MGAT4C: variants seen among roughly 807,000 people sequenced by gnomAD.
The protein encoded by MGAT4C is MGAT4 family member C.
A neutral mutation model predicts 40.1 loss-of-function variants in MGAT4C; 19 were observed. That is an observed-to-expected ratio of 0.47 (90% CI 0.33 to 0.70). The LOEUF is 0.70. Among genes scored for constraint, MGAT4C ranks in the 30% least tolerant of loss-of-function variants. MGAT4C has a pLI of 0.02. For missense variants in MGAT4C, 491 were observed against 563.2 expected, an observed-to-expected ratio of 0.87 and a Z score of 1.30; for synonymous variants, 181 against 187.1, an observed-to-expected ratio of 0.97 and a Z score of 0.27.
chr12:86,043,760 A>C (rs974502110), intron 2 of MGAT4C, among the ~76,000 whole-genome samples: 12 of 152,208 alleles, frequency 7.9e-5, no homozygotes, highest in Non-Finnish European at 1.6e-4. Context: ...GATGTCAATG[A>C]GTCAATAAAT....
intron 1 of MGAT4C, among the ~76,000 whole-genome samples, chr12:86,813,417 A>G (rs191270387): frequency 1.4e-5 from 2 of 143,612 alleles, no homozygotes; most frequent in East Asian, 3.9e-4. Context: ...TACTCTAAAG[A>G]AATAATCTAA....
At chr12:86,554,946 AT>A (rs1224843184) in intron 2 of MGAT4C, among the ~76,000 whole-genome samples, 1 of 152,062 alleles carries the variant, frequency 6.6e-6, no homozygotes, top group Non-Finnish European at 1.5e-5. Flanking sequence ...GGTAACCCGA[AT>A]TCCTTAGCTT....
At chr12:86,043,835 C>A (rs745419672) in intron 2 of MGAT4C, among the ~76,000 whole-genome samples, 2 of 152,152 alleles carry the variant, frequency 1.3e-5, no homozygotes, top group Non-Finnish European at 2.9e-5. Context: ...TCTCCTGAAT[C>A]TTCTTTCCTG....
intron 2 of MGAT4C, among the ~76,000 whole-genome samples, chr12:86,506,105 G>A (rs531019492): frequency 5.3e-5 from 8 of 152,224 alleles, no homozygotes; most frequent in Admixed American, 2.6e-4. Flanking sequence ...TGAAAGGTTA[G>A]GAGTTTTGTC....
At chr12:86,427,969 G>C (rs1284208073) in intron 3 of MGAT4C, among the ~76,000 whole-genome samples, 1 of 151,964 alleles carries the variant, frequency 6.6e-6, no homozygotes, top group East Asian at 1.9e-4. Flanking sequence ...GCTGTGAGCT[G>C]AGATCGTGTC....
intron 1 of MGAT4C, among the ~76,000 whole-genome samples, chr12:86,809,792 A>G (rs1200342617): frequency 1.3e-5 from 2 of 151,970 alleles, no homozygotes; most frequent in African/African-American, 4.8e-5. Context: ...AGTTTGGCAA[A>G]TATTTTTGCT....
chr12:86,568,257 T>C (rs997465439), intron 2 of MGAT4C, among the ~76,000 whole-genome samples: 5 of 152,046 alleles, frequency 3.3e-5, no homozygotes, highest in Admixed American at 2.0e-4. Context: ...ATAAAGCAGG[T>C]AGAGGAAGGT....
intron 1 of MGAT4C, among the ~76,000 whole-genome samples, chr12:86,729,377 T>C (rs1950874134): frequency 6.6e-6 from 1 of 151,926 alleles, no homozygotes; most frequent in African/African-American, 2.4e-5. Context: ...AAATAAAAAT[T>C]TTTAAAAAAA....
chr12:86,689,684 A>G (rs909098405), intron 2 of MGAT4C, among the ~76,000 whole-genome samples: 2 of 152,064 alleles, frequency 1.3e-5, no homozygotes, highest in Admixed American at 6.5e-5. Context: ...CTTCCTCTGA[A>G]AGCTTTGTCC....
At chr12:86,273,994 G>A (rs1218621579) in intron 4 of MGAT4C, among the ~76,000 whole-genome samples, 1 of 152,168 alleles carries the variant, frequency 6.6e-6, no homozygotes, top group East Asian at 1.9e-4. Flanking sequence ...GGTACAAAGA[G>A]CGTAATGCTG....
chr12:86,467,633 A>C (rs1343417236), intron 2 of MGAT4C, among the ~76,000 whole-genome samples: 1 of 152,142 alleles, frequency 6.6e-6, no homozygotes, highest in African/African-American at 2.4e-5. Context: ...TGCAAAAATA[A>C]ATGCAGATTT....
chr12:86,133,181 A>G (rs1377767726), intron 1 of MGAT4C, among the ~76,000 whole-genome samples: 1 of 152,254 alleles, frequency 6.6e-6, no homozygotes, highest in Non-Finnish European at 1.5e-5. Context: ...AAATAAGCAG[A>G]TAAAATGTAC....
intron 1 of MGAT4C, among the ~76,000 whole-genome samples, chr12:86,179,950 A>G (rs1053630102): frequency 9.9e-5 from 15 of 152,206 alleles, no homozygotes. Flanking sequence ...GCATGGGGAA[A>G]ATGTCTCCAG....
At chr12:86,529,873 T>C (rs1592955872) in intron 2 of MGAT4C, among the ~76,000 whole-genome samples, 1 of 152,128 alleles carries the variant, frequency 6.6e-6, no homozygotes, top group East Asian at 1.9e-4. Context: ...AAGTCTCATA[T>C]AAAATGGCAT....
At chr12:86,523,376 C>T (rs1018858367) in intron 2 of MGAT4C, among the ~76,000 whole-genome samples, 44 of 152,118 alleles carry the variant, frequency 2.9e-4, no homozygotes, top group African/African-American at 8.4e-4. Context: ...GCAGGTTATT[C>T]AATTTCCATG....
chr12:86,401,759 T>C (rs968229475), intron 3 of MGAT4C, among the ~76,000 whole-genome samples: 3 of 152,150 alleles, frequency 2.0e-5, no homozygotes, highest in Admixed American at 6.5e-5. Flanking sequence ...GATAAAATAT[T>C]ATTGCACTTA....
intron 2 of MGAT4C, among the ~76,000 whole-genome samples, chr12:86,698,719 C>T (rs1950303477): frequency 6.6e-6 from 1 of 151,982 alleles, no homozygotes; most frequent in African/African-American, 2.4e-5. Flanking sequence ...ATGAGTGCCG[C>T]ATAAGTTCAT....
chr12:86,238,253 T>C (rs1380393230), intron 1 of MGAT4C, among the ~76,000 whole-genome samples: 2 of 151,990 alleles, frequency 1.3e-5, no homozygotes, highest in Non-Finnish European at 2.9e-5. Flanking sequence ...TACAAAAGAC[T>C]GAACACGTGG....
intron 3 of MGAT4C, among the ~76,000 whole-genome samples, chr12:86,408,976 G>C (rs1423663398): frequency 6.6e-6 from 1 of 151,982 alleles, no homozygotes; most frequent in East Asian, 1.9e-4. Flanking sequence ...TTTTCTTTCT[G>C]ATTTATTTTC....
Sources: allele counts gnomAD v4.1 joint callset (sites outside exome capture counted in the v4.1 genomes callset), GRCh38; gene constraint gnomAD v4.1.1; transcripts MANE v1.5; gene names NCBI Gene and HGNC (gene_info 2026-07-23, HGNC 2026-07-21).